The following USP30 variants were observed in gnomAD, a reference collection of about 807,000 sequenced individuals.
The protein encoded by USP30 is ubiquitin specific peptidase 30.
In USP30, 41 loss-of-function variants were observed where a neutral mutation model predicts 68.2. That is an observed-to-expected ratio of 0.60 (90% CI 0.47 to 0.78). The LOEUF (loss-of-function observed/expected upper bound fraction) is 0.78. USP30 is among the 30% of genes least tolerant of loss of function. The pLI is 0.00. For synonymous variants in USP30, 229 were observed against 253.7 expected (o/e 0.90, Z 0.93); for missense variants, 522 against 649.4 (o/e 0.80, Z 2.13).
At chr12:109,034,959 T>C (rs1353817140) in intron 3 of USP30, among the ~76,000 whole-genome samples, 1 of 152,206 alleles carries the variant, frequency 6.6e-6, no homozygotes, top group African/African-American at 2.4e-5. Context: ...TTGGTTGCTG[T>C]TTGAATGATA....
At chr12:109,045,981 A>G (rs889789557) in intron 3 of USP30, among the ~76,000 whole-genome samples, 1 of 151,896 alleles carries the variant, frequency 6.6e-6, no homozygotes, top group Admixed American at 6.6e-5. Context: ...TCCAAAATCT[A>G]TAGAGTGTGC....
At chr12:109,062,080 G>A (rs2041086555) in intron 3 of USP30, among the ~76,000 whole-genome samples, 1 of 151,928 alleles carries the variant, frequency 6.6e-6, no homozygotes, top group Admixed American at 6.6e-5. Context: ...GACTACAGGT[G>A]CGTGCTGCCA....
intron 7 of USP30, among the ~76,000 whole-genome samples, chr12:109,077,623 T>C (rs539256135): frequency 6.6e-6 from 1 of 152,362 alleles, no homozygotes; most frequent in East Asian, 1.9e-4. Flanking sequence ...GTTGGAATGC[T>C]TAGTCCATTT....
chr12:109,037,670 C>T (rs1439889706), intron 3 of USP30, among the ~76,000 whole-genome samples: 6 of 152,138 alleles, frequency 3.9e-5, no homozygotes, highest in African/African-American at 1.4e-4. Flanking sequence ...CCACTGAAAA[C>T]TCAGATAGCT....
chr12:109,049,050 G>A (rs1593228663), upstream of USP30, among the ~76,000 whole-genome samples: 1 of 152,286 alleles, frequency 6.6e-6, no homozygotes, highest in South Asian at 2.1e-4. Flanking sequence ...TGGCCAAGAG[G>A]GGGCCCATTC....
At chr12:109,058,954 C>T (rs535981221) in intron 3 of USP30, among the ~76,000 whole-genome samples, 1 of 152,310 alleles carries the variant, frequency 6.6e-6, no homozygotes, top group East Asian at 1.9e-4. Context: ...TTCTGGAAAG[C>T]AGTTTGGAAC....
intron 3 of USP30, among the ~76,000 whole-genome samples, chr12:109,036,122 T>G (rs2040517599): frequency 1.3e-5 from 2 of 152,188 alleles, no homozygotes; most frequent in Non-Finnish European, 2.9e-5. Flanking sequence ...GTTTCACCAT[T>G]GCACTTAAGC....
At chr12:109,057,888 G>C (rs368580113) in intron 2 of USP30, 38 bp from the exon 3 acceptor site, 43 of 1,589,672 alleles carry the variant, frequency 2.7e-5, no homozygotes, top group Non-Finnish European at 3.5e-5. Flanking sequence ...GATCAAATGT[G>C]ATATACTGTT....
intron 3 of USP30, among the ~76,000 whole-genome samples, chr12:109,036,600 G>A (rs183742357): frequency 6.0e-4 from 91 of 152,196 alleles, no homozygotes; most frequent in African/African-American, 2.1e-3. Context: ...TTCTTATAGG[G>A]CAAGTCTGCT....
At chr12:109,081,142 T>G (rs1397360850) in intron 7 of USP30, among the ~76,000 whole-genome samples, 192 bp from the exon 8 acceptor site, 1 of 152,386 alleles carries the variant, frequency 6.6e-6, no homozygotes, top group South Asian at 2.1e-4. Context: ...TTCTTTAGTA[T>G]TATTGTACCT....
intron 3 of USP30, among the ~76,000 whole-genome samples, chr12:109,037,029 C>T (rs1469806014): frequency 6.6e-6 from 1 of 151,744 alleles, no homozygotes; most frequent in Non-Finnish European, 1.5e-5. Flanking sequence ...TTTTGTTTTT[C>T]TCCTTTCTTT....
intron 7 of USP30, among the ~76,000 whole-genome samples, chr12:109,076,732 C>CTTTT (rs71079520): frequency 8.0e-5 from 10 of 124,734 alleles, no homozygotes; most frequent in South Asian, 2.4e-4. Flanking sequence ...TTGATTTTTT[C>CTTTT]TTTTTTTTTT....
At chr12:109,039,888 C>T (rs1284855743) in intron 3 of USP30, among the ~76,000 whole-genome samples, 7 of 152,128 alleles carry the variant, frequency 4.6e-5, no homozygotes, top group East Asian at 1.9e-4. Context: ...GGATTACAGG[C>T]GTGAACCACC....
At chr12:109,029,468 A>T (rs565275833) in intron 3 of USP30, among the ~76,000 whole-genome samples, 2 of 152,134 alleles carry the variant, frequency 1.3e-5, no homozygotes, top group Admixed American at 6.5e-5. Flanking sequence ...CTGACACTAC[A>T]GGCATATCCC....
chr12:109,032,839 G>A (rs1197857995), intron 3 of USP30, among the ~76,000 whole-genome samples: 1 of 152,148 alleles, frequency 6.6e-6, no homozygotes, highest in Non-Finnish European at 1.5e-5. Flanking sequence ...CTAGGAAATG[G>A]GGGCATGCCA....
At chr12:109,050,716 AAAAAAT>A (rs1476365984), upstream of USP30, among the ~76,000 whole-genome samples, 1 of 152,186 alleles carries the variant, frequency 6.6e-6, no homozygotes, top group Admixed American at 6.5e-5. Flanking sequence ...CCAAAAAACA[AAAAAAT>A]AATGGGCCGG....
At chr12:109,026,761 C>A (rs1342737147) in intron 2 of USP30, among the ~76,000 whole-genome samples, 2 of 152,168 alleles carry the variant, frequency 1.3e-5, no homozygotes, top group Non-Finnish European at 2.9e-5. Context: ...AGCCACTACA[C>A]CCAGCCCAGA....
Position 109,084,968 on chromosome 12 carries a change from G to T in USP30, c.1184G>T (p.Gly395Val). Reference sequence around the variant, plus strand: ...TCTCTTGCAGTTCTGAATCAGCCAGGGGCCCCCAAAACACAGATTTTTATG... The same window carrying T: ...TCTCTTGCAGTTCTGAATCAGCCAGTGGCCCCCAAAACACAGATTTTTATG... ...GAPTPVLNQP[G>V]APKTQIFMNG... Residue 395 changes from glycine to valine, a missense_variant, in exon 12 of 13, where the codon GGG (glycine) becomes GTG (valine). By Grantham distance (109) the Gly-to-Val change is moderately radical. Coordinates refer to ENST00000257548, the MANE Select transcript of USP30 (RefSeq NM_032663.5). 6.3e-7 allele frequency: 1 copy of T among 1,598,558 alleles called. No homozygotes were observed.
In USP30 at chr12:109,056,716, G is replaced by T. The variant is rs774239235; in HGVS notation, c.118G>T (p.Gly40Ter). The T allele has an allele frequency of 6.2e-7, 1 of 1,612,252 alleles. No homozygotes were observed. Among genetic ancestry groups the T allele is most frequent in the Admixed American group, 1.7e-5 (1 of 59,600 alleles). Reference protein sequence around the residue: ...KVMKNWGVIGGIAAALAAGIY... With the variant: ...KVMKNWGVIG ...CATGAAGAACTGGGGAGTTATAGGT[G>T]GAATTGCTGCTGCTCTTGCAGCAGG... Residue 40 changes from glycine to a stop codon, truncating the protein, a stop_gained, in exon 2 of 13, where the codon GGA (glycine) becomes TGA (stop). Coordinates refer to ENST00000257548, the MANE Select transcript of USP30 (RefSeq NM_032663.5). LOFTEE classifies it high-confidence loss of function.
Sources: gnomAD v4.1 joint callset for allele counts (sites outside exome capture counted in the v4.1 genomes callset) on GRCh38, gnomAD v4.1.1 for gene constraint, MANE v1.5 for transcripts, NCBI Gene and HGNC (gene_info 2026-07-23, HGNC 2026-07-21) for gene names.